Variants in COL3A1 observed in about 807,000 individuals in gnomAD.
The protein encoded by COL3A1 is collagen alpha-1(III) chain.
COL3A1 carries 46 observed loss-of-function variants against 200.9 expected under a neutral mutation model. The ratio of observed to expected loss-of-function variants is 0.23; its 90% CI spans 0.18 to 0.29. The LOEUF (loss-of-function observed/expected upper bound fraction) is 0.29, where lower values mean the gene tolerates loss of function less well. Among genes scored for constraint, COL3A1 ranks in the 10% least tolerant of loss-of-function variants. COL3A1 has a pLI of 1.00. For missense variants in COL3A1, 1,367 were observed against 1,917.6 expected (o/e 0.71, Z 5.36); for synonymous variants, 650 against 628.0 (o/e 1.03, Z -0.52).
chr2:189,006,042 G>T (rs1688578681), intron 41 of COL3A1, among the ~76,000 whole-genome samples, 164 bp from the exon 42 acceptor site: 2 of 151,962 alleles, frequency 1.3e-5, no homozygotes, highest in Admixed American at 6.6e-5. Context: ...TGGACATTGT[G>T]ACCCTTTGAA....
In COL3A1 at chr2:188,994,153, A is replaced by C; in HGVS notation, c.1194+71A>C. On this transcript the variant is annotated intron_variant, in intron 17 of 50. Coordinates refer to ENST00000304636, the MANE Select transcript of COL3A1 (RefSeq NM_000090.4). The surrounding 1 kb of genome is among the most constrained non-coding windows in gnomAD (Gnocchi z 4.5). ...GGCTTCTTTTGCATTTTGCATGACA[A>C]TAGATTTGTGATATTTAAGTGAGAT... 1 of 1,611,174 alleles carries C rather than the reference A, an allele frequency of 6.2e-7. No individual in the cohort carries two copies. The highest frequency in any genetic ancestry group is 1.7e-5 in the Admixed American group (1 of 60,010).
At chr2:188,979,608 G>T (rs910934892) in intron 1 of COL3A1, among the ~76,000 whole-genome samples, 15 of 151,630 alleles carry the variant, frequency 9.9e-5, no homozygotes, top group African/African-American at 3.4e-4. Flanking sequence ...ATAAACAGGA[G>T]AATTTAACTC....
chr2:188,991,410 A>C, intron 11 of COL3A1, 77 bp from the exon 12 acceptor site: 1 of 966,550 alleles, frequency 1.0e-6, no homozygotes, highest in Non-Finnish European at 1.5e-6. Context: ...AAACTTTTCC[A>C]TAATATTCTG....
intron 11 of COL3A1, 30 bp from the exon 12 acceptor site, chr2:188,991,457 A>C: frequency 6.7e-7 from 1 of 1,492,502 alleles, no homozygotes; most frequent in East Asian, 2.3e-5. Flanking sequence ...CCTCTTTTGT[A>C]AAATAGTAAC....
At chr2:188,996,622 A>G (rs1013274228) in intron 24 of COL3A1, 126 bp downstream of exon 24, 2 of 772,354 alleles carry the variant, frequency 2.6e-6, no homozygotes, top group Admixed American at 2.5e-5. Context: ...TGAAAATCAA[A>G]TTGCATGTAG....
chr2:189,009,153 A>G lies in COL3A1; in HGVS notation c.3755A>G (p.Asp1252Gly). The G allele has an allele frequency of 6.2e-7, 1 of 1,614,222 alleles. No homozygotes were observed. The highest frequency in any genetic ancestry group is 8.5e-7 in the Non-Finnish European group (1 of 1,180,026). The change falls in exon 48 of 51, where the codon GAT (aspartate) becomes GGT (glycine). Residue 1252 changes from aspartate to glycine, a missense_variant. By Grantham distance (94) the Asp-to-Gly change is moderately conservative. Around this residue, in one of 5 missense-constraint regions of COL3A1, gnomAD observed 846 missense variants for 1,147.9 expected, o/e 0.74. Coordinates refer to ENST00000304636, the MANE Select transcript of COL3A1 (RefSeq NM_000090.4). ...NGQIESLISP[D>G]GSRKNPARNC... Reference sequence around the variant, plus strand: ...CAAATAGAAAGCCTCATTAGTCCTGATGGTTCTCGTAAAAACCCCGCTAGA... The same window carrying G: ...CAAATAGAAAGCCTCATTAGTCCTGGTGGTTCTCGTAAAAACCCCGCTAGA...
At chr2:189,005,707 G>A in intron 41 of COL3A1, 1 of 486,088 alleles carries the variant, frequency 2.1e-6, no homozygotes, top group Non-Finnish European at 3.7e-6. Flanking sequence ...AAAAGTTAGT[G>A]GGGAGAACCA....
chr2:188,992,124 A>G, intron 13 of COL3A1, 60 bp from the exon 14 acceptor site: 3 of 1,550,864 alleles, frequency 1.9e-6, no homozygotes, highest in Non-Finnish European at 1.8e-6. Context: ...TGGTCAAAAT[A>G]TTACTCATGA....
chr2:188,999,923 G>A, intron 32 of COL3A1, 28 bp downstream of exon 32: 1 of 1,572,436 alleles, frequency 6.4e-7, no homozygotes, highest in Non-Finnish European at 8.6e-7. Context: ...GGAGAAGCAG[G>A]CCTTATCTAT....
rs1376067428 is a variant in COL3A1, at chr2:189,007,577, C to T, written c.3333C>T (p.Phe1111=). ...GAAGIKGHRG[F]PGNPGAPGSP... ...CTGGCATCAAAGGACATCGAGGATT[C>T]CCTGGTAATCCAGGTGCCCCAGGTT... Residue 1111 remains phenylalanine, a synonymous_variant, in exon 45 of 51, where the codon TTC becomes TTT. Transcript: ENST00000304636. 6.2e-7 allele frequency: 1 copy of T among 1,613,092 alleles called. No individual in the cohort carries two copies. The highest frequency in any genetic ancestry group is 2.2e-5 in the East Asian group (1 of 44,848).
At chr2:188,982,361 A>G (rs190903220) in intron 1 of COL3A1, among the ~76,000 whole-genome samples, 49 of 151,954 alleles carry the variant, frequency 3.2e-4, no homozygotes, top group African/African-American at 1.2e-3. Context: ...TTTAATAATT[A>G]GCAGAACAAA....
chr2:188,976,223 T>C (rs1428228757), intron 1 of COL3A1, among the ~76,000 whole-genome samples: 4 of 152,134 alleles, frequency 2.6e-5, no homozygotes, highest in Non-Finnish European at 5.9e-5. Flanking sequence ...TATTTGTAGT[T>C]GCCTCGTGGT....
At chr2:189,001,213 T>C (rs1688452960) in intron 32 of COL3A1, among the ~76,000 whole-genome samples, 184 bp from the exon 33 acceptor site, 2 of 152,308 alleles carry the variant, frequency 1.3e-5, no homozygotes, top group Middle Eastern at 3.4e-3. Context: ...CAAAGAGGCT[T>C]GTGTTTACTG....
rs2153502633 is a variant in COL3A1, at chr2:188,996,184, T to C, written c.1662+6T>C. 6.2e-7 allele frequency: 1 copy of C among 1,613,096 alleles called. No individual in the cohort carries two copies. Among genetic ancestry groups the C allele is most frequent in the East Asian group, 2.2e-5 (1 of 44,814 alleles). On this transcript the variant is annotated splice_donor_region_variant and intron_variant, in intron 23 of 50. Transcript: ENST00000304636. ...ATGGGAAACCAGGGCCTCCCGTATG[T>C]ACATTTTTAAAATCTCATTTTAAAA...
chr2:188,995,651 A>C, intron 21 of COL3A1, 41 bp from the exon 22 acceptor site: 1 of 1,379,412 alleles, frequency 7.2e-7, no homozygotes, highest in Non-Finnish European at 1.0e-6. Context: ...TAGGTTAGTG[A>C]AGGCTATTTT....
intron 47 of COL3A1, 152 bp downstream of exon 47, chr2:189,008,294 C>A: frequency 1.4e-6 from 1 of 733,640 alleles, no homozygotes. Context: ...TTCTCCATCA[C>A]ATTAAAAATG....
intron 47 of COL3A1, 110 bp downstream of exon 47, chr2:189,008,252 C>T: frequency 1.1e-6 from 1 of 896,618 alleles, no homozygotes; most frequent in Non-Finnish European, 1.8e-6. Context: ...TGCATCCACT[C>T]AATTTAGAAA....
At chr2:188,981,101 C>A (rs1278635443) in intron 1 of COL3A1, among the ~76,000 whole-genome samples, 1 of 151,068 alleles carries the variant, frequency 6.6e-6, no homozygotes, top group African/African-American at 2.4e-5. Context: ...ATTTTTTGTC[C>A]AAACAATATG....
chr2:189,005,383 A>G lies in COL3A1; in HGVS notation c.2965A>G (p.Ser989Gly). 1.9e-6 allele frequency: 3 copies of G among 1,614,126 alleles called. No individual in the cohort carries two copies. Among genetic ancestry groups the G allele is most frequent in the East Asian group, 4.5e-5 (2 of 44,870 alleles). ...ESGKPGANGL[S>G]GERGPPGPQG... The stretch of plus-strand genomic sequence containing the variant: ...TGGGAAACCAGGAGCTAACGGTCTC[A>G]GTGGAGAACGTGGTCCCCCTGGACC... Residue 989 changes from serine (S) to glycine (G), a missense_variant, in exon 41 of 51, where the codon AGT becomes GGT. By Grantham distance (56) the Ser-to-Gly change is moderately conservative. Around this residue, in one of 5 missense-constraint regions of COL3A1, gnomAD observed 846 missense variants for 1,147.9 expected, o/e 0.74. Coordinates refer to ENST00000304636, the MANE Select transcript of COL3A1 (RefSeq NM_000090.4).
Sources: allele counts gnomAD v4.1 joint callset (sites outside exome capture counted in the v4.1 genomes callset), GRCh38; gene constraint gnomAD v4.1.1; regional missense constraint gnomAD v4.1.1; non-coding constraint Gnocchi (gnomAD v3.1); transcripts MANE v1.5; gene names NCBI Gene and HGNC (gene_info 2026-07-23, HGNC 2026-07-21).